Variants in CFAP57 observed in about 807,000 individuals in gnomAD.
The protein encoded by CFAP57 is cilia- and flagella-associated protein 57.
A neutral mutation model predicts 146.8 loss-of-function variants in CFAP57; 116 were observed. That is an observed-to-expected ratio of 0.79 (90% CI 0.68 to 0.92). The LOEUF (loss-of-function observed/expected upper bound fraction) is 0.92. Among genes scored for constraint, CFAP57 ranks in the 40% least tolerant of loss-of-function variants. The pLI, the probability that CFAP57 is intolerant of heterozygous loss-of-function variation, is 0.00. For synonymous variants in CFAP57, 518 were observed against 552.8 expected (o/e 0.94, Z 0.88); for missense variants, 1,377 against 1,527.2 (o/e 0.90, Z 1.64).
Position 43,241,285 on chromosome 1 carries a change from G to T in CFAP57, c.3406-1942G>T, listed in dbSNP as rs545590631. The stretch of plus-strand genomic sequence containing the variant: ...GCCCCACCTCCAACACTGGGGATCA[G>T]TTTTCAACAGGAGATTTCGAGGAGA... On this transcript the variant is annotated intron_variant, in intron 21 of 22. Transcript: ENST00000372492. 6.6e-5 allele frequency among the ~76,000 whole-genome samples: 10 copies of T among 152,314 alleles called. No individual in the cohort carries two copies. The South Asian group carries it at 2.1e-3, about 32-fold the overall frequency.
rs780625366 is a variant in CFAP57, at chr1:43,183,750, G to A, written c.634G>A (p.Val212Ile). 6.2e-7 allele frequency: 1 copy of A among 1,614,198 alleles called. No individual in the cohort carries two copies. Among genetic ancestry groups the A allele is most frequent in the African/African-American group, 1.3e-5 (1 of 75,050 alleles). ...CACCTGGGTGGCTGATGACAAGATT[G>A]TCGTTGGCACTGACACAGGCAAACT... ...AHTWVADDKI[V>I]VGTDTGKLFL... The change falls in exon 4 of 23, where the codon GTC (valine) becomes ATC (isoleucine). Residue 212 changes from valine (V) to isoleucine (I), a missense_variant. Physicochemically the swap from Val to Ile is conservative, Grantham distance 29. Coordinates refer to ENST00000372492, the MANE Select transcript of CFAP57 (RefSeq NM_001378189.1).
At chr1:43,223,050 A>G in intron 16 of CFAP57, 53 bp downstream of exon 16, 3 of 1,504,894 alleles carry the variant, frequency 2.0e-6, no homozygotes, top group South Asian at 2.6e-5. Context: ...TTGCAGAGAA[A>G]GCTGGGGTGG....
chr1:43,220,673 A>G (rs1395147659), intron 13 of CFAP57, among the ~76,000 whole-genome samples: 2 of 152,094 alleles, frequency 1.3e-5, no homozygotes, highest in African/African-American at 2.4e-5. Context: ...GTAGTGAGTC[A>G]TGATCTCTGC....
intron 11 of CFAP57, 121 bp from the exon 12 acceptor site, chr1:43,215,134 T>C: frequency 8.6e-7 from 1 of 1,162,488 alleles, no homozygotes; most frequent in South Asian, 1.4e-5. Context: ...TGGGATCAAG[T>C]TTACCTCCCT....
chr1:43,228,621 C>T (rs1032973743), intron 18 of CFAP57, among the ~76,000 whole-genome samples: 1 of 149,054 alleles, frequency 6.7e-6, no homozygotes, highest in African/African-American at 2.5e-5. Context: ...GACTTTTTCC[C>T]TGGCTTCTGG....
intron 11 of CFAP57, among the ~76,000 whole-genome samples, chr1:43,212,943 A>AAG (rs1553180097): frequency 1.3e-5 from 2 of 151,304 alleles, no homozygotes; most frequent in Non-Finnish European, 3.0e-5. Context: ...CTCAAAAAAA[A>AAG]AAAAAAAGAA....
At chr1:43,212,760 C>T (rs1570131640) in intron 11 of CFAP57, among the ~76,000 whole-genome samples, 1 of 151,998 alleles carries the variant, frequency 6.6e-6, no homozygotes, top group Non-Finnish European at 1.5e-5. Flanking sequence ...TGATGAAACC[C>T]CCGTCTCTAC....
At chr1:43,229,935 T>C (rs865820629) in intron 18 of CFAP57, among the ~76,000 whole-genome samples, 4 of 152,174 alleles carry the variant, frequency 2.6e-5, no homozygotes, top group South Asian at 2.1e-4. Context: ...CTGAGCCCCA[T>C]TGAGAATCTC....
chr1:43,227,677 A>G (rs1423174196), intron 18 of CFAP57, among the ~76,000 whole-genome samples: 1 of 152,140 alleles, frequency 6.6e-6, no homozygotes, highest in East Asian at 1.9e-4. Context: ...CAACTGGACA[A>G]GGGTTTCTGA....
intron 9 of CFAP57, among the ~76,000 whole-genome samples, chr1:43,203,474 A>G (rs1644223089): frequency 6.6e-6 from 1 of 152,052 alleles, no homozygotes. Context: ...ATTTATATAT[A>G]TATTTTAGAC....
At position 43,253,836 on chromosome 1, in the gene CFAP57, A is replaced by G. The variant is rs1343243626; in HGVS notation, c.3539-141A>G. On this transcript the variant is annotated intron_variant, in intron 22 of 22. Coordinates refer to ENST00000372492, the MANE Select transcript of CFAP57 (RefSeq NM_001378189.1). Reference sequence around the variant, plus strand: ...CTGCGAGACAGCAAAATGGCTTATCACTGTACCTCCAGCATCTGGGATTGA... The same window carrying G: ...CTGCGAGACAGCAAAATGGCTTATCGCTGTACCTCCAGCATCTGGGATTGA... 9.7e-6 allele frequency: 7 copies of G among 719,232 alleles called. No homozygotes were observed. In the African/African-American group the frequency reaches 1.2e-4, roughly 13 times the overall value. The allele number at this position is 719,232 out of a possible 1,614,324, so 44.6% of individuals were successfully genotyped here.
chr1:43,201,174 C>A lies in CFAP57; in HGVS notation c.1542+1671C>A, dbSNP rs1644106974. Among the ~76,000 whole-genome samples, 1 of 152,146 alleles carries A rather than the reference C, an allele frequency of 6.6e-6. No individual in the cohort carries two copies. Among genetic ancestry groups the A allele is most frequent in the African/African-American group, 2.4e-5 (1 of 41,426 alleles). ...AGGAAGTCAGAGGCATAGATTAGAT[C>A]ACCAAGGGCCTATGTAGAATCTGAG... On this transcript the variant is annotated intron_variant, in intron 9 of 22. Coordinates refer to ENST00000372492, the MANE Select transcript of CFAP57 (RefSeq NM_001378189.1). This position sits in a 1 kb window ranked among gnomAD's most constrained non-coding sequence, Gnocchi z 4.4.
intron 22 of CFAP57, among the ~76,000 whole-genome samples, chr1:43,248,943 G>A (rs760884733): frequency 1.1e-4 from 16 of 151,508 alleles, no homozygotes; most frequent in Middle Eastern, 6.8e-3. Flanking sequence ...GTGCAGTGGC[G>A]TGATCTCGGC....
In CFAP57 at chr1:43,206,754, A is replaced by C; in HGVS notation, c.1577A>C (p.Lys526Thr). 6.2e-7 allele frequency: 1 copy of C among 1,614,064 alleles called. No individual in the cohort carries two copies. The highest frequency in any genetic ancestry group is 8.5e-7 in the Non-Finnish European group (1 of 1,180,032). Reference protein sequence around the residue: ...RSIVWNADDSKLISGGTDGAV... With the variant: ...RSIVWNADDSTLISGGTDGAV... ...ATTGTGTGGAATGCAGATGATAGCAAACTGATTTCTGGTGGCACAGATGGT... is the reference window on the plus strand; with the variant it reads ...ATTGTGTGGAATGCAGATGATAGCACACTGATTTCTGGTGGCACAGATGGT... The change falls in exon 10 of 23, where the codon AAA (lysine) becomes ACA (threonine). Residue 526 changes from lysine to threonine, a missense_variant. By Grantham distance (78) the Lys-to-Thr change is moderately conservative. Coordinates refer to ENST00000372492, the MANE Select transcript of CFAP57 (RefSeq NM_001378189.1).
Position 43,215,402 on chromosome 1 carries a change from G to A in CFAP57, c.2077G>A (p.Asp693Asn), listed in dbSNP as rs61738906. 1,408 of 1,550,696 alleles carry A rather than the reference G, an allele frequency of 9.1e-4. 1 individual carries two copies. The highest frequency in any genetic ancestry group is 1.2e-3 in the Non-Finnish European group (1,359 of 1,146,952). Residue 693 changes from aspartate to asparagine, a missense_variant, in exon 12 of 23, where the codon GAC becomes AAC. By Grantham distance (23) the Asp-to-Asn change is conservative. Coordinates refer to ENST00000372492, the MANE Select transcript of CFAP57 (RefSeq NM_001378189.1). ...CGAAGAGGTGCTTGTGACTAAAACA[G>A]ACATGGAAGAAAAGGTAAGAACTGG... ...FAEEVLVTKT[D>N]MEEKAQVMLE... is the part of the protein sequence containing the mutation.
chr1:43,172,576 G>A (rs1645009709), intron 1 of CFAP57, 123 bp downstream of exon 1: 3 of 629,332 alleles, frequency 4.8e-6, no homozygotes, highest in African/African-American at 1.9e-5. Context: ...GGAGGGGAAA[G>A]GGGAGGGACA....
intron 9 of CFAP57, among the ~76,000 whole-genome samples, chr1:43,200,254 TGTA>T (rs1472914703): frequency 6.6e-6 from 1 of 152,076 alleles, no homozygotes; most frequent in Non-Finnish European, 1.5e-5. Context: ...GGGAAGCTGA[TGTA>T]GGAGGATCGC....
chr1:43,245,682 G>GA (rs892343295), intron 22 of CFAP57, among the ~76,000 whole-genome samples: 1 of 152,180 alleles, frequency 6.6e-6, no homozygotes, highest in East Asian at 1.9e-4. Flanking sequence ...GCTGAAAACA[G>GA]AAAAAAATCT....
rs1425129113 is a variant in CFAP57, at chr1:43,224,154, C to G, written c.2815C>G (p.Gln939Glu). The change falls in exon 17 of 23, where the codon CAA becomes GAA. Residue 939 changes from glutamine (Q) to glutamate (E), a missense_variant. Physicochemically the swap from Gln to Glu is conservative, Grantham distance 29. Transcript: ENST00000372492. ...CATTAAGTCTCTGGAGAAGGACATCCAAGGCCTCAAGCGAGAGATCCAGGA... is the reference window on the plus strand; with the variant it reads ...CATTAAGTCTCTGGAGAAGGACATCGAAGGCCTCAAGCGAGAGATCCAGGA... ...GVIKSLEKDI[Q>E]GLKREIQERD... 6.5e-7 allele frequency: 1 copy of G among 1,549,952 alleles called. No homozygotes were observed. Among genetic ancestry groups the G allele is most frequent in the South Asian group, 1.2e-5 (1 of 83,992 alleles).
Sources: gnomAD v4.1 joint callset for allele counts (sites outside exome capture counted in the v4.1 genomes callset) on GRCh38, gnomAD v4.1.1 for gene constraint, Gnocchi (gnomAD v3.1) non-coding constraint, MANE v1.5 for transcripts, NCBI Gene and HGNC (gene_info 2026-07-23, HGNC 2026-07-21) for gene names.